CCSER1: variants seen among roughly 807,000 people sequenced by gnomAD.
The protein encoded by CCSER1 is coiled-coil serine rich protein 1, also known as serine-rich coiled-coil domain-containing protein 1.
Under a neutral mutation model 82.0 loss-of-function variants are expected in CCSER1, and 41 were observed. That is an observed-to-expected ratio of 0.50 (90% CI 0.39 to 0.65). CCSER1 has a LOEUF of 0.65. Ranked by LOEUF, CCSER1 falls within the 30% of genes least tolerant of loss-of-function variation. The probability of loss-of-function intolerance (pLI) is 0.00; values close to 1 mark genes in which losing one functional copy is unlikely to be tolerated. For missense variants in CCSER1, 1,119 were observed against 1,064.2 expected (o/e 1.05, Z -0.72); for synonymous variants, 414 against 383.9 (o/e 1.08, Z -0.92).
At chr4:91,272,258 A>G (rs890728597) in intron 10 of CCSER1, among the ~76,000 whole-genome samples, 4 of 152,108 alleles carry the variant, frequency 2.6e-5, no homozygotes, top group African/African-American at 9.7e-5. Flanking sequence ...ATTCACACCA[A>G]TATCTATTAT....
At chr4:91,087,158 C>T (rs144231456) in intron 10 of CCSER1, among the ~76,000 whole-genome samples, 17 of 152,122 alleles carry the variant, frequency 1.1e-4, no homozygotes, top group South Asian at 4.1e-4. Flanking sequence ...CTGATCACCT[C>T]CTAAAGTGAA....
At chr4:91,197,830 A>G (rs1437095300) in intron 10 of CCSER1, among the ~76,000 whole-genome samples, 1 of 151,962 alleles carries the variant, frequency 6.6e-6, no homozygotes, top group Non-Finnish European at 1.5e-5. Flanking sequence ...TTTTGGTTAT[A>G]ATTGCTTCTG....
At chr4:91,452,565 T>TA (rs1755930978) in intron 10 of CCSER1, among the ~76,000 whole-genome samples, 1 of 152,064 alleles carries the variant, frequency 6.6e-6, no homozygotes, top group African/African-American at 2.4e-5. Context: ...CCAGAAATGA[T>TA]ACAGCCAAAG....
At chr4:90,297,344 A>G (rs374148810) in intron 1 of CCSER1, among the ~76,000 whole-genome samples, 6,782 of 145,744 alleles carry the variant, frequency 0.047, 483 homozygotes, top group African/African-American at 0.16. Context: ...CATTGATTTT[A>G]TATCCTGAGA....
intron 8 of CCSER1, among the ~76,000 whole-genome samples, chr4:90,866,681 A>G (rs561038293): frequency 2.0e-5 from 3 of 152,198 alleles, no homozygotes; most frequent in Non-Finnish European, 2.9e-5. Context: ...TAGAATAAAA[A>G]CCACTTCCAC....
intron 10 of CCSER1, among the ~76,000 whole-genome samples, chr4:91,584,393 A>G (rs187862698): frequency 6.6e-6 from 1 of 151,604 alleles, no homozygotes; most frequent in South Asian, 2.1e-4. Context: ...TCACTGAGGT[A>G]GTATAAATTG....
At chr4:90,843,875 A>G (rs964595617) in intron 8 of CCSER1, among the ~76,000 whole-genome samples, 17 of 152,254 alleles carry the variant, frequency 1.1e-4, no homozygotes, top group Middle Eastern at 6.8e-3. Flanking sequence ...AAGAAAATTT[A>G]ACTATCTGAT....
intron 1 of CCSER1, among the ~76,000 whole-genome samples, chr4:90,143,491 T>C (rs201729636): frequency 5.9e-4 from 84 of 141,410 alleles, no homozygotes; most frequent in East Asian, 1.2e-3. Flanking sequence ...AGTACACACA[T>C]ACACACACAC....
chr4:91,126,781 A>G (rs1463085376), intron 10 of CCSER1, among the ~76,000 whole-genome samples: 1 of 152,022 alleles, frequency 6.6e-6, no homozygotes, highest in Non-Finnish European at 1.5e-5. Flanking sequence ...ATGATCAGAT[A>G]TGCTACATTT....
chr4:90,746,331 T>C (rs1240062225), intron 7 of CCSER1, among the ~76,000 whole-genome samples: 1 of 152,182 alleles, frequency 6.6e-6, no homozygotes, highest in Non-Finnish European at 1.5e-5. Flanking sequence ...AAAAATTCAC[T>C]TAAGACCTCT....
intron 6 of CCSER1, among the ~76,000 whole-genome samples, chr4:90,700,836 T>C (rs1475062268): frequency 6.6e-6 from 1 of 152,166 alleles, no homozygotes; most frequent in Non-Finnish European, 1.5e-5. Context: ...GATGGGGTTG[T>C]TTTTTTCTTT....
chr4:90,884,472 T>G (rs1033766933), intron 8 of CCSER1, among the ~76,000 whole-genome samples: 5 of 152,072 alleles, frequency 3.3e-5, no homozygotes, highest in African/African-American at 1.2e-4. Flanking sequence ...AGTAAAATTA[T>G]TAAAATCTCC....
chr4:90,724,992 T>C (rs1369653754), intron 7 of CCSER1: 1 of 439,140 alleles, frequency 2.3e-6, no homozygotes, highest in Non-Finnish European at 4.6e-6. Flanking sequence ...ATGGACACTT[T>C]TTTGCTTAAT....
At chr4:91,428,354 T>A (rs1041334580) in intron 10 of CCSER1, among the ~76,000 whole-genome samples, 1 of 152,098 alleles carries the variant, frequency 6.6e-6, no homozygotes, top group African/African-American at 2.4e-5. Context: ...TGTCACTTTT[T>A]ATGGACAACA....
intron 1 of CCSER1, among the ~76,000 whole-genome samples, chr4:90,239,921 C>T (rs1406633537): frequency 1.3e-5 from 2 of 152,106 alleles, no homozygotes; most frequent in African/African-American, 2.4e-5. Context: ...GTAGGTTAAA[C>T]TAGTGAGTTT....
intron 8 of CCSER1, among the ~76,000 whole-genome samples, chr4:90,831,747 C>T (rs60366873): frequency 0.16 from 23,949 of 151,976 alleles, 2,195 homozygotes; most frequent in Non-Finnish European, 0.21. Flanking sequence ...AAAAGAATAA[C>T]CTTGACTAAA....
chr4:90,804,707 TA>T (rs1434037517), intron 7 of CCSER1, among the ~76,000 whole-genome samples: 5 of 152,184 alleles, frequency 3.3e-5, no homozygotes, highest in Non-Finnish European at 7.3e-5. Context: ...TTAATAGTCT[TA>T]AACAATGAGA....
At chr4:91,593,638 C>A (rs1292298525) in intron 10 of CCSER1, among the ~76,000 whole-genome samples, 1 of 151,782 alleles carries the variant, frequency 6.6e-6, no homozygotes, top group Non-Finnish European at 1.5e-5. Context: ...AAGTAAAAAC[C>A]CAATGCTTTA....
At chr4:90,750,284 CT>C (rs1282550822) in intron 7 of CCSER1, among the ~76,000 whole-genome samples, 9 of 152,104 alleles carry the variant, frequency 5.9e-5, no homozygotes, top group Non-Finnish European at 8.8e-5. Context: ...TGTGCAGAAG[CT>C]CTTTAGTTTA....
Sources: allele counts gnomAD v4.1 joint callset (sites outside exome capture counted in the v4.1 genomes callset), GRCh38; gene constraint gnomAD v4.1.1; transcripts MANE v1.5; gene names NCBI Gene and HGNC (gene_info 2026-07-23, HGNC 2026-07-21).